The following NUP153 variants were observed in gnomAD, a reference collection of about 807,000 sequenced individuals.
NUP153 encodes nuclear pore complex protein Nup153.
In NUP153, 27 loss-of-function variants were observed where a neutral mutation model predicts 134.6. That is an observed-to-expected ratio of 0.20 (90% CI 0.15 to 0.28). The LOEUF is 0.28. Among genes scored for constraint, NUP153 ranks in the 10% least tolerant of loss-of-function variants. The pLI is 1.00. For missense variants in NUP153, 1,821 were observed against 1,731.3 expected, an observed-to-expected ratio of 1.05 and a Z score of -0.92; for synonymous variants, 640 against 623.5, an observed-to-expected ratio of 1.03 and a Z score of -0.40.
At chr6:17,699,672 C>G (rs1226663163) in intron 1 of NUP153, among the ~76,000 whole-genome samples, 1 of 151,732 alleles carries the variant, frequency 6.6e-6, no homozygotes, top group Non-Finnish European at 1.5e-5. Context: ...CCCGTGTCTA[C>G]TAAAAATACA....
Position 17,638,143 on chromosome 6 carries a change from CTTCTT to C in NUP153, c.1847-378_1847-374del, listed in dbSNP as rs1195113842. On this transcript the variant is annotated intron_variant, in intron 15 of 21. Transcript: ENST00000262077. This position sits in a 1 kb window ranked among gnomAD's most constrained non-coding sequence, Gnocchi z 4.0. The stretch of plus-strand genomic sequence containing the variant: ...AGTCCTCTTTCTCCTTCATCCATTT[CTTCTT>C]TTAAGTGTTCCATTGGCTACACCAA... 3.9e-5 allele frequency among the ~76,000 whole-genome samples: 6 copies of C among 152,216 alleles called. No individual in the cohort carries two copies. The highest frequency in any genetic ancestry group is 2.1e-4 in the South Asian group (1 of 4,832).
intron 8 of NUP153, among the ~76,000 whole-genome samples, chr6:17,666,389 C>A (rs1479712390): frequency 6.6e-6 from 1 of 152,004 alleles, no homozygotes; most frequent in African/African-American, 2.4e-5. Context: ...GTGGCATGCG[C>A]CTGTAATCCC....
At chr6:17,704,097 C>A (rs1770304117) in intron 1 of NUP153, among the ~76,000 whole-genome samples, 1 of 152,192 alleles carries the variant, frequency 6.6e-6, no homozygotes. Flanking sequence ...TCGAGATCGT[C>A]CTGGCTAACA....
chr6:17,706,314 G>A lies in NUP153; in HGVS notation c.74C>T (p.Pro25Leu), dbSNP rs781331653. The change falls in exon 1 of 22, where the codon CCA (proline) becomes CTA (leucine). Residue 25 changes from proline to leucine, a missense_variant. Coordinates refer to ENST00000262077, the MANE Select transcript of NUP153 (RefSeq NM_005124.4). The surrounding 1 kb of genome is among the most constrained non-coding windows in gnomAD (Gnocchi z 5.9). ...KIRTRRCHQGPIKPYQQGRQQ... is the reference protein window; with the variant it reads ...KIRTRRCHQGLIKPYQQGRQQ... ...TCGCCCCTGCTGGTAAGGCTTAATT[G>A]GCCCCTGGTGGCAACGCCGCGTCCG... The A allele has an allele frequency of 6.2e-7, 1 of 1,613,704 alleles. No homozygotes were observed. The highest frequency in any genetic ancestry group is 1.1e-5 in the South Asian group (1 of 91,084).
At chr6:17,663,808 C>CA (rs756196274) in intron 9 of NUP153, among the ~76,000 whole-genome samples, 11 of 152,066 alleles carry the variant, frequency 7.2e-5, no homozygotes, top group South Asian at 2.1e-4. Context: ...TTAAATGACA[C>CA]AAAAAACCAG....
At chr6:17,705,566 A>G (rs1341041071) in intron 1 of NUP153, among the ~76,000 whole-genome samples, 1 of 61,924 alleles carries the variant, frequency 1.6e-5, no homozygotes, top group Non-Finnish European at 2.9e-5. Context: ...CTCCAAAATA[A>G]AGGCGGGGGT....
chr6:17,701,843 G>GGGC (rs1554148665), intron 1 of NUP153, among the ~76,000 whole-genome samples: 1 of 87,318 alleles, frequency 1.1e-5, no homozygotes, highest in African/African-American at 4.0e-5. Context: ...GGGGGGGGGG[G>GGGC]GAAAAAAGCT....
At chr6:17,682,649 T>C (rs980190625) in intron 2 of NUP153, among the ~76,000 whole-genome samples, 15 of 152,170 alleles carry the variant, frequency 9.9e-5, no homozygotes, top group African/African-American at 3.1e-4. Context: ...CCAGGTGTGG[T>C]GGCTCACACC....
chr6:17,635,948 C>T (rs1042623938), intron 16 of NUP153, among the ~76,000 whole-genome samples: 2 of 152,206 alleles, frequency 1.3e-5, no homozygotes, highest in Non-Finnish European at 2.9e-5. Context: ...TCCCCTTCAA[C>T]TTAAAATTAA....
In NUP153 at chr6:17,626,035, G is replaced by A; in HGVS notation, c.3674C>T (p.Thr1225Ile). 1 of 1,614,178 alleles carries A rather than the reference G, an allele frequency of 6.2e-7. No homozygotes were observed. Among genetic ancestry groups the A allele is most frequent in the Non-Finnish European group, 8.5e-7 (1 of 1,180,030 alleles). Residue 1225 changes from threonine to isoleucine, a missense_variant, in exon 19 of 22, where the codon ACC becomes ATC. Transcript: ENST00000262077. ...ATTGCTGGACTGTCCAAACACAAAG[G>A]TAGCCACAGGTGGATTGGAGGAAGA... is the stretch of plus-strand genomic sequence containing the variant. Reference protein sequence around the residue: ...STSSSNPPVATFVFGQSSNPV... With the variant: ...STSSSNPPVAIFVFGQSSNPV...
chr6:17,661,846 C>G, intron 10 of NUP153, 67 bp from the exon 11 acceptor site: 1 of 1,449,112 alleles, frequency 6.9e-7, no homozygotes, highest in Non-Finnish European at 9.4e-7. Context: ...TTAACTAGAA[C>G]TGCTAACAAG....
intron 11 of NUP153, among the ~76,000 whole-genome samples, chr6:17,657,407 A>AT (rs1393525306): frequency 1.7e-4 from 26 of 151,390 alleles, no homozygotes; most frequent in Non-Finnish European, 2.4e-4. Flanking sequence ...AAAATAAAAA[A>AT]AAAAAAAATA....
intron 5 of NUP153, among the ~76,000 whole-genome samples, chr6:17,670,423 G>A (rs1767832804): frequency 6.6e-6 from 1 of 152,124 alleles, no homozygotes; most frequent in Admixed American, 6.6e-5. Flanking sequence ...ATTAGTTGTG[G>A]TGGCTTTTTT....
chr6:17,675,754 A>G lies in NUP153; in HGVS notation c.351T>C (p.Ser117=). The G allele has an allele frequency of 6.2e-7, 1 of 1,613,650 alleles. No homozygotes were observed. The highest frequency in any genetic ancestry group is 8.5e-7 in the Non-Finnish European group (1 of 1,179,528). The change falls in exon 3 of 22, where the codon AGT becomes AGC. Residue 117 remains serine (S), a synonymous_variant. Transcript: ENST00000262077. The surrounding 1 kb of genome is among the most constrained non-coding windows in gnomAD (Gnocchi z 4.4). ...VSNTEEPSTT[S]TASNYPDVLT... Reference sequence around the variant, plus strand: ...ACACATCTGGATAATTTGAAGCAGTACTAGTTGTTGAAGGTTCTTAAAAGA... The same window carrying G: ...ACACATCTGGATAATTTGAAGCAGTGCTAGTTGTTGAAGGTTCTTAAAAGA...
At position 17,688,423 on chromosome 6, in the gene NUP153, G is replaced by T. The variant is rs1244717730; in HGVS notation, c.307C>A (p.Pro103Thr). 2 of 1,613,628 alleles carry T rather than the reference G, an allele frequency of 1.2e-6. No homozygotes were observed. Among genetic ancestry groups the T allele is most frequent in the African/African-American group, 2.7e-5 (2 of 74,894 alleles). Residue 103 changes from proline (P) to threonine (T), a missense_variant, in exon 2 of 22, where the codon CCT becomes ACT. Coordinates refer to ENST00000262077, the MANE Select transcript of NUP153 (RefSeq NM_005124.4). ...TCTGTATTACTGACTGCTGGCTCAG[G>T]TGTGATTCTCCCATCAGTAATATTA... Reference protein sequence around the residue: ...SSNITDGRITPEPAVSNTEEP... With the variant: ...SSNITDGRITTEPAVSNTEEP...
intron 1 of NUP153, among the ~76,000 whole-genome samples, chr6:17,702,860 G>A (rs1770209037): frequency 7.4e-6 from 1 of 134,944 alleles, no homozygotes; most frequent in South Asian, 2.3e-4. Flanking sequence ...ATTTGAGCAA[G>A]ACAATGAATT....
chr6:17,616,917 A>C (rs1258657798), intron 20 of NUP153, among the ~76,000 whole-genome samples: 1 of 152,024 alleles, frequency 6.6e-6, no homozygotes, highest in Non-Finnish European at 1.5e-5. Flanking sequence ...ATGCCTGGCT[A>C]ATTTTTTGTA....
chr6:17,674,843 A>G (rs1166685836), intron 5 of NUP153, 62 bp downstream of exon 5: 1 of 1,224,512 alleles, frequency 8.2e-7, no homozygotes, highest in African/African-American at 1.5e-5. Context: ...GTAATTTATT[A>G]TCCAGTTAAA....
chr6:17,701,536 C>A lies in NUP153; in HGVS notation c.111+4741G>T, dbSNP rs12208445. On this transcript the variant is annotated intron_variant, in intron 1 of 21. Transcript: ENST00000262077. ...AATTAGCTGGGCGTGGTGGCACGTG[C>A]CTGTAGTCCCAGCTACTCGGGAGGC... Among the ~76,000 whole-genome samples the A allele has an allele frequency of 8.8e-3, 1,342 of 151,734 alleles. 10 individuals are homozygous for A. The highest frequency in any genetic ancestry group is 0.014 in the Non-Finnish European group (932 of 67,924).
Sources: allele counts gnomAD v4.1 joint callset (sites outside exome capture counted in the v4.1 genomes callset), GRCh38; gene constraint gnomAD v4.1.1; non-coding constraint Gnocchi (gnomAD v3.1); transcripts MANE v1.5; gene names NCBI Gene and HGNC (gene_info 2026-07-23, HGNC 2026-07-21).